Variants in PPP1R9A observed in about 807,000 individuals in gnomAD.
The protein encoded by PPP1R9A is neurabin-1.
PPP1R9A carries 59 observed loss-of-function variants against 141.9 expected under a neutral mutation model. The observed-to-expected ratio is 0.42, with a 90% CI of 0.34 to 0.52. PPP1R9A has a LOEUF of 0.52. PPP1R9A is among the 20% of genes least tolerant of loss of function. The probability of loss-of-function intolerance (pLI) is 0.10; values close to 1 mark genes in which losing one functional copy is unlikely to be tolerated. For missense variants in PPP1R9A, 1,444 were observed against 1,611.9 expected (o/e 0.90, Z 1.78); for synonymous variants, 500 against 569.7 (o/e 0.88, Z 1.74).
intron 2 of PPP1R9A, among the ~76,000 whole-genome samples, chr7:94,939,672 G>C (rs1041596330): frequency 2.0e-5 from 3 of 151,898 alleles, no homozygotes; most frequent in Non-Finnish European, 4.4e-5. Context: ...CATACACTAT[G>C]TACTTAGCAC....
intron 5 of PPP1R9A, among the ~76,000 whole-genome samples, chr7:95,174,043 T>C (rs1832553126): frequency 6.6e-6 from 1 of 152,056 alleles, no homozygotes; most frequent in South Asian, 2.1e-4. Context: ...AAAACATATA[T>C]TTATATAAAG....
chr7:94,949,583 A>G (rs750199266), intron 2 of PPP1R9A, among the ~76,000 whole-genome samples: 6 of 152,106 alleles, frequency 3.9e-5, no homozygotes, highest in Non-Finnish European at 7.4e-5. Context: ...TGAAGCCTCT[A>G]TTGGGCTAGT....
At chr7:95,126,917 G>A (rs1457877817) in intron 4 of PPP1R9A, among the ~76,000 whole-genome samples, 1 of 152,118 alleles carries the variant, frequency 6.6e-6, no homozygotes, top group Non-Finnish European at 1.5e-5. Flanking sequence ...AGTTGTAGGA[G>A]CAATCTATAG....
intron 8 of PPP1R9A, among the ~76,000 whole-genome samples, chr7:95,245,713 A>C (rs1274776118): frequency 1.3e-5 from 2 of 152,170 alleles, no homozygotes; most frequent in Non-Finnish European, 2.9e-5. Flanking sequence ...TGCCAGGTGC[A>C]CTAATACTCT....
At chr7:95,099,945 C>A (rs1347364068) in intron 2 of PPP1R9A, among the ~76,000 whole-genome samples, 3 of 151,930 alleles carry the variant, frequency 2.0e-5, no homozygotes, top group Non-Finnish European at 4.4e-5. Context: ...ATATGTGTGA[C>A]CTTAATAAAA....
chr7:95,157,590 G>A (rs771816279), intron 4 of PPP1R9A, among the ~76,000 whole-genome samples: 18 of 152,174 alleles, frequency 1.2e-4, no homozygotes, highest in Non-Finnish European at 2.5e-4. Flanking sequence ...TGCTGCAGTC[G>A]GCGTGATGGC....
At chr7:95,213,414 G>T (rs1018784300) in intron 7 of PPP1R9A, among the ~76,000 whole-genome samples, 1 of 140,678 alleles carries the variant, frequency 7.1e-6, no homozygotes, top group Non-Finnish European at 1.5e-5. Context: ...TCTGCCTTAC[G>T]GGTTCAAGCG....
intron 2 of PPP1R9A, among the ~76,000 whole-genome samples, chr7:94,918,368 G>A (rs1189715056): frequency 6.6e-6 from 1 of 151,972 alleles, no homozygotes; most frequent in Non-Finnish European, 1.5e-5. Flanking sequence ...TAATTCTACC[G>A]ATGGAGAGTT....
At chr7:94,947,346 T>G (rs1052623083) in intron 2 of PPP1R9A, among the ~76,000 whole-genome samples, 1 of 152,170 alleles carries the variant, frequency 6.6e-6, no homozygotes, top group African/African-American at 2.4e-5. Flanking sequence ...GGTCCTAGCT[T>G]CTTCTCATCC....
At chr7:95,223,232 G>A (rs1248209988) in intron 7 of PPP1R9A, among the ~76,000 whole-genome samples, 2 of 151,962 alleles carry the variant, frequency 1.3e-5, no homozygotes, top group African/African-American at 4.8e-5. Flanking sequence ...TTTGGGTATT[G>A]GGAAGGAGAG....
At chr7:95,197,603 GTTATATAT>G (rs1481656964) in intron 5 of PPP1R9A, among the ~76,000 whole-genome samples, 1 of 152,026 alleles carries the variant, frequency 6.6e-6, no homozygotes, top group Non-Finnish European at 1.5e-5. Flanking sequence ...TTATTTCAAA[GTTATATAT>G]TTAGCCACCT....
intron 2 of PPP1R9A, among the ~76,000 whole-genome samples, chr7:94,976,497 C>T (rs1266735287): frequency 1.2e-4 from 19 of 152,048 alleles, no homozygotes; most frequent in East Asian, 3.9e-4. Flanking sequence ...TGTGCCACCA[C>T]GTCTGGCTAA....
intron 2 of PPP1R9A, among the ~76,000 whole-genome samples, chr7:95,039,953 C>T (rs1302520305): frequency 6.6e-6 from 1 of 151,992 alleles, no homozygotes; most frequent in Non-Finnish European, 1.5e-5. Flanking sequence ...AAACAAAAAC[C>T]AAATACCAAC....
intron 2 of PPP1R9A, among the ~76,000 whole-genome samples, chr7:94,954,698 G>GTT (rs752435611): frequency 1.4e-5 from 2 of 145,702 alleles, no homozygotes; most frequent in Admixed American, 6.9e-5. Context: ...ATTTCTGTTG[G>GTT]TTTTTTTTTT....
At chr7:94,963,336 A>G (rs1446766695) in intron 2 of PPP1R9A, among the ~76,000 whole-genome samples, 2 of 152,120 alleles carry the variant, frequency 1.3e-5, no homozygotes, top group Non-Finnish European at 2.9e-5. Flanking sequence ...ATTTTAAAGT[A>G]TAGTTTCTAT....
At chr7:95,143,233 A>T (rs941241642) in intron 4 of PPP1R9A, among the ~76,000 whole-genome samples, 3 of 152,090 alleles carry the variant, frequency 2.0e-5, no homozygotes, top group African/African-American at 7.2e-5. Context: ...ATTAGTTATT[A>T]GTTGCTTAGC....
At chr7:95,020,083 A>G (rs1022563607) in intron 2 of PPP1R9A, among the ~76,000 whole-genome samples, 2 of 152,034 alleles carry the variant, frequency 1.3e-5, no homozygotes, top group Non-Finnish European at 2.9e-5. Context: ...ATGAATTTCA[A>G]AATAATTACC....
chr7:95,018,988 A>G lies in PPP1R9A; in HGVS notation c.1396-92271A>G, dbSNP rs901379262. 2.6e-5 allele frequency among the ~76,000 whole-genome samples: 4 copies of G among 152,222 alleles called. No individual in the cohort carries two copies. The East Asian group carries it at 5.8e-4, about 22-fold the overall frequency. On this transcript the variant is annotated intron_variant, in intron 2 of 19. Coordinates refer to ENST00000433360, the MANE Select transcript of PPP1R9A (RefSeq NM_001166160.2). ...GGAAAATCTTTTCAGAAATGGCACCATATTAACTGGATATCCATCTGGAAA... is the reference window on the plus strand; with the variant it reads ...GGAAAATCTTTTCAGAAATGGCACCGTATTAACTGGATATCCATCTGGAAA...
intron 5 of PPP1R9A, among the ~76,000 whole-genome samples, chr7:95,179,778 CAAA>C (rs61054939): frequency 3.7e-4 from 36 of 96,982 alleles, no homozygotes; most frequent in East Asian, 6.2e-4. Context: ...ACAATAGCTG[CAAA>C]AAAAAAAAAA....
Sources: gnomAD v4.1 joint callset for allele counts (sites outside exome capture counted in the v4.1 genomes callset) on GRCh38, gnomAD v4.1.1 for gene constraint, MANE v1.5 for transcripts, NCBI Gene and HGNC (gene_info 2026-07-23, HGNC 2026-07-21) for gene names.